The following IL2RA variants were observed in gnomAD, a reference collection of about 807,000 sequenced individuals.
IL2RA encodes interleukin 2 receptor subunit alpha.
In IL2RA, 24 loss-of-function variants were observed where a neutral mutation model predicts 37.8. The ratio of observed to expected loss-of-function variants is 0.63; its 90% CI spans 0.46 to 0.89. The LOEUF is 0.89. Among genes scored for constraint, IL2RA ranks in the 40% least tolerant of loss-of-function variants. IL2RA has a pLI of 0.00. For missense variants in IL2RA, 319 were observed against 348.6 expected (o/e 0.92, Z 0.68); for synonymous variants, 125 against 114.6 (o/e 1.09, Z -0.58).
Position 6,014,979 on chromosome 10 carries a change from T to A in IL2RA, c.795-2083A>T, listed in dbSNP as rs1839252061. Among the ~76,000 whole-genome samples, 1 of 152,156 alleles carries A rather than the reference T, an allele frequency of 6.6e-6. No individual in the cohort carries two copies. Among genetic ancestry groups the A allele is most frequent in the Admixed American group, 6.5e-5 (1 of 15,268 alleles). The stretch of plus-strand genomic sequence containing the variant: ...TCAGGGTCTTACTGTGGAGTTTGTA[T>A]CAGGGTTGGCCAGAGTGGATGCTGG... On this transcript the variant is annotated intron_variant, in intron 7 of 7. Transcript: ENST00000379959. This position sits in a 1 kb window ranked among gnomAD's most constrained non-coding sequence, Gnocchi z 4.4.
At chr10:6,023,118 A>T (rs1839415323) in intron 3 of IL2RA, among the ~76,000 whole-genome samples, 1 of 152,152 alleles carries the variant, frequency 6.6e-6, no homozygotes. Context: ...GCTTAACCAA[A>T]TCTTTTTATC....
intron 1 of IL2RA, among the ~76,000 whole-genome samples, chr10:6,032,013 A>G (rs967673283): frequency 6.6e-6 from 1 of 152,224 alleles, no homozygotes; most frequent in African/African-American, 2.4e-5. Flanking sequence ...GTAATGAAAC[A>G]GAGCAGAAAG....
Position 6,021,598 on chromosome 10 carries a change from C to T in IL2RA, c.463G>A (p.Gly155Arg). 6.2e-7 allele frequency: 1 copy of T among 1,614,050 alleles called. No individual in the cohort carries two copies. Among genetic ancestry groups the T allele is most frequent in the Non-Finnish European group, 8.5e-7 (1 of 1,180,008 alleles). The stretch of plus-strand genomic sequence containing the variant: ...GGACCTCTGTGTAGAGCCCTGTATC[C>T]CTGGACGCACTGATAATAAACCATC... ...GQMVYYQCVQ[G>R]YRALHRGPAE... Residue 155 changes from glycine (G) to arginine (R), a missense_variant, in exon 4 of 8, where the codon GGA becomes AGA. By Grantham distance (125) the Gly-to-Arg change is moderately radical. Transcript: ENST00000379959. The surrounding 1 kb of genome is among the most constrained non-coding windows in gnomAD (Gnocchi z 4.9).
In IL2RA at chr10:6,054,821, T is replaced by C. The variant is rs1176554275; in HGVS notation, c.64+7267A>G. 6.6e-6 allele frequency among the ~76,000 whole-genome samples: 1 copy of C among 152,174 alleles called. No homozygotes were observed. The highest frequency in any genetic ancestry group is 2.4e-5 in the African/African-American group (1 of 41,426). Reference sequence around the variant, plus strand: ...TGATCATTTATGGCATTATTTGCAATGTTTGATCAATATTTGATCTTTCCC... The same window carrying C: ...TGATCATTTATGGCATTATTTGCAACGTTTGATCAATATTTGATCTTTCCC... On this transcript the variant is annotated intron_variant, in intron 1 of 7. Transcript: ENST00000379959. The surrounding 1 kb of genome is among the most constrained non-coding windows in gnomAD (Gnocchi z 4.5).
chr10:6,061,301 C>T (rs1361524928), intron 1 of IL2RA, among the ~76,000 whole-genome samples: 3 of 151,616 alleles, frequency 2.0e-5, no homozygotes, highest in African/African-American at 2.4e-5. Context: ...GTGGGAGGAT[C>T]GCTAAGCCTG....
chr10:6,025,505 A>C lies in IL2RA; in HGVS notation c.256+329T>G, dbSNP rs1839467488. Reference sequence around the variant, plus strand: ...ACCCCATCTCTACTAAAAATGCAAAAATTAGCCAGGCATGGTGGAGGGTGC... The same window carrying C: ...ACCCCATCTCTACTAAAAATGCAAACATTAGCCAGGCATGGTGGAGGGTGC... On this transcript the variant is annotated intron_variant, in intron 2 of 7. Coordinates refer to ENST00000379959, the MANE Select transcript of IL2RA (RefSeq NM_000417.3). The surrounding 1 kb of genome is among the most constrained non-coding windows in gnomAD (Gnocchi z 4.4). 1.3e-5 allele frequency among the ~76,000 whole-genome samples: 2 copies of C among 151,298 alleles called. No homozygotes were observed. The highest frequency in any genetic ancestry group is 4.2e-4 in the South Asian group (2 of 4,778).
At chr10:6,059,855 A>G (rs1840097622) in intron 1 of IL2RA, among the ~76,000 whole-genome samples, 1 of 152,162 alleles carries the variant, frequency 6.6e-6, no homozygotes, top group Non-Finnish European at 1.5e-5. Context: ...TCTGACTGGT[A>G]TTACTATATT....
chr10:6,040,383 T>C (rs904306460), intron 1 of IL2RA, among the ~76,000 whole-genome samples: 4 of 152,222 alleles, frequency 2.6e-5, no homozygotes, highest in African/African-American at 9.7e-5. Flanking sequence ...ATTAATAGAT[T>C]ATAACGGATT....
In IL2RA at chr10:6,062,233, T is replaced by A; in HGVS notation, c.-82A>T. The A allele has an allele frequency of 8.2e-7, 1 of 1,221,664 alleles. No individual in the cohort carries two copies. Among genetic ancestry groups the A allele is most frequent in the South Asian group, 1.2e-5 (1 of 82,546 alleles). The allele number at this position is 1,221,664 out of a possible 1,614,324, so 75.7% of individuals were successfully genotyped here. A position where few individuals can be genotyped will look rare whatever the true frequency, so the allele number is the denominator to read the frequency against. ...GGCCCAGTTGCCGTCAGCCTCTTTT[T>A]GGCATCGCGCCGGAGGATGTGGGAT... is the stretch of plus-strand genomic sequence containing the variant. On this transcript the variant is annotated 5_prime_UTR_variant, in exon 1 of 8. Coordinates refer to ENST00000379959, the MANE Select transcript of IL2RA (RefSeq NM_000417.3).
At chr10:6,059,174 C>T (rs1307262951) in intron 1 of IL2RA, among the ~76,000 whole-genome samples, 1 of 152,196 alleles carries the variant, frequency 6.6e-6, no homozygotes, top group African/African-American at 2.4e-5. Context: ...CCACTGGGTC[C>T]TCATTTGCCT....
At chr10:6,055,373 T>C (rs1325672323) in intron 1 of IL2RA, among the ~76,000 whole-genome samples, 1 of 152,088 alleles carries the variant, frequency 6.6e-6, no homozygotes, top group Non-Finnish European at 1.5e-5. Flanking sequence ...TCGGTTCTGT[T>C]CCCCAGAGAG....
chr10:6,029,413 C>T lies in IL2RA; in HGVS notation c.65-3388G>A, dbSNP rs957002802. ...CTCCTGACCTCAGGTGATCCACCTG[C>T]CTCGGCCTCCCAAAGTGCTAGGATT... is the stretch of plus-strand genomic sequence containing the variant. On this transcript the variant is annotated intron_variant, in intron 1 of 7. Transcript: ENST00000379959. This position sits in a 1 kb window ranked among gnomAD's most constrained non-coding sequence, Gnocchi z 4.6. Among the ~76,000 whole-genome samples the T allele has an allele frequency of 3.3e-5, 5 of 152,076 alleles. No individual in the cohort carries two copies. Among genetic ancestry groups the T allele is most frequent in the Admixed American group, 1.3e-4 (2 of 15,264 alleles).
intron 1 of IL2RA, among the ~76,000 whole-genome samples, chr10:6,032,734 C>T (rs1382587839): frequency 6.6e-6 from 1 of 150,794 alleles, no homozygotes; most frequent in Non-Finnish European, 1.5e-5. Flanking sequence ...AAATGATAGA[C>T]TGAGAGAAAA....
At chr10:6,040,056 T>C (rs1376286674) in intron 1 of IL2RA, among the ~76,000 whole-genome samples, 1 of 152,210 alleles carries the variant, frequency 6.6e-6, no homozygotes, top group East Asian at 1.9e-4. Context: ...GGTAGAATGT[T>C]TTGCTGAAGC....
Position 6,052,643 on chromosome 10 carries a change from C to T in IL2RA, c.64+9445G>A, listed in dbSNP as rs113857728. Among the ~76,000 whole-genome samples, 587 of 69,922 alleles carry T rather than the reference C, an allele frequency of 8.4e-3. 1 individual carries two copies. Among genetic ancestry groups the T allele is most frequent in the Non-Finnish European group, 0.015 (448 of 30,228 alleles). The allele number at this position is 69,922 out of a possible 152,430, so 45.9% of individuals were successfully genotyped here. ...AACCTTCCCAGGGGAGAAAACGCGC[C>T]CCCCCTCACGCCTCAGAGGCACACA... On this transcript the variant is annotated intron_variant, in intron 1 of 7. Transcript: ENST00000379959.
rs374555371 is a variant in IL2RA, at chr10:6,035,408, G to A, written c.65-9383C>T. 2.0e-5 allele frequency among the ~76,000 whole-genome samples: 3 copies of A among 152,228 alleles called. No homozygotes were observed. The highest frequency in any genetic ancestry group is 2.1e-4 in the South Asian group (1 of 4,832). On this transcript the variant is annotated intron_variant, in intron 1 of 7. Coordinates refer to ENST00000379959, the MANE Select transcript of IL2RA (RefSeq NM_000417.3). This position sits in a 1 kb window ranked among gnomAD's most constrained non-coding sequence, Gnocchi z 5.4. ...TCCCAAAGCCACATTCAGGCAGGACGGAGCTGCTCTTGCACACGGTTTCGT... is the reference window on the plus strand; with the variant it reads ...TCCCAAAGCCACATTCAGGCAGGACAGAGCTGCTCTTGCACACGGTTTCGT...
Position 6,024,369 on chromosome 10 carries a change from T to A in IL2RA, c.257-15A>T. The A allele has an allele frequency of 6.5e-7, 1 of 1,537,300 alleles. No individual in the cohort carries two copies. The highest frequency in any genetic ancestry group is 1.1e-5 in the South Asian group (1 of 89,524). On this transcript the variant is annotated splice_polypyrimidine_tract_variant and intron_variant, in intron 2 of 7. Transcript: ENST00000379959. ...GTTCCGAGTGGCTAGAAAATATAGA[T>A]GGAATGATGCAGATAATTTCACAAA...
chr10:6,024,401 A>G (rs12722690), intron 2 of IL2RA, 47 bp from the exon 3 acceptor site: 24 of 1,337,760 alleles, frequency 1.8e-5, no homozygotes, highest in Middle Eastern at 3.6e-4. Flanking sequence ...CAAATGCTTC[A>G]TAGAAAACAC....
rs1326120594 is a variant in IL2RA, at chr10:6,033,766, A to T, written c.65-7741T>A. ...AGTTATATCCAGAGATAGAAAGCAG[A>T]CAGTGGTTTCTTGTGGTAGGTGGGT... On this transcript the variant is annotated intron_variant, in intron 1 of 7. Transcript: ENST00000379959. This position sits in a 1 kb window ranked among gnomAD's most constrained non-coding sequence, Gnocchi z 4.3. 2.0e-5 allele frequency among the ~76,000 whole-genome samples: 3 copies of T among 152,254 alleles called. No individual in the cohort carries two copies. Among genetic ancestry groups the T allele is most frequent in the Non-Finnish European group, 4.4e-5 (3 of 68,046 alleles).
Sources: gnomAD v4.1 joint callset for allele counts (sites outside exome capture counted in the v4.1 genomes callset) on GRCh38, gnomAD v4.1.1 for gene constraint, Gnocchi (gnomAD v3.1) non-coding constraint, MANE v1.5 for transcripts, NCBI Gene and HGNC (gene_info 2026-07-23, HGNC 2026-07-21) for gene names.